The following FAT3 variants were observed in gnomAD, a reference collection of about 807,000 sequenced individuals.
The protein encoded by FAT3 is FAT atypical cadherin 3.
A neutral mutation model predicts 310.2 loss-of-function variants in FAT3; 95 were observed. That is an observed-to-expected ratio of 0.31 (90% CI 0.26 to 0.36). The LOEUF (loss-of-function observed/expected upper bound fraction) is 0.36, where lower values mean the gene tolerates loss of function less well. Among genes scored for constraint, FAT3 ranks in the 10% least tolerant of loss-of-function variants. The pLI, the probability that FAT3 is intolerant of heterozygous loss-of-function variation, is 1.00. For synonymous variants in FAT3, 2,314 were observed against 2,192.9 expected, an observed-to-expected ratio of 1.06 and a Z score of -1.54; for missense variants, 5,408 against 5,715.6, an observed-to-expected ratio of 0.95 and a Z score of 1.74.
chr11:92,323,722 T>G (rs925435328), intron 1 of FAT3, among the ~76,000 whole-genome samples: 1 of 152,064 alleles, frequency 6.6e-6, no homozygotes, highest in Non-Finnish European at 1.5e-5. Flanking sequence ...TTAGCATAAT[T>G]CTTAAGGGCC....
chr11:92,818,955 A>G (rs1435851028), intron 13 of FAT3, among the ~76,000 whole-genome samples: 3 of 152,242 alleles, frequency 2.0e-5, no homozygotes, highest in East Asian at 3.9e-4. Flanking sequence ...ATTTTAAATG[A>G]TAATCATAAT....
intron 1 of FAT3, among the ~76,000 whole-genome samples, chr11:92,259,350 G>A (rs1421784623): frequency 1.3e-5 from 2 of 151,994 alleles, no homozygotes; most frequent in Admixed American, 1.3e-4. Flanking sequence ...AATGACTGAA[G>A]GGTATGTTAA....
At chr11:92,567,797 A>G (rs1250003047) in intron 3 of FAT3, among the ~76,000 whole-genome samples, 1 of 151,812 alleles carries the variant, frequency 6.6e-6, no homozygotes, top group Non-Finnish European at 1.5e-5. Context: ...CAAAAAACCA[A>G]GCACCGCATA....
chr11:92,480,515 G>C (rs548865690), intron 2 of FAT3, among the ~76,000 whole-genome samples: 2 of 152,144 alleles, frequency 1.3e-5, no homozygotes, highest in Non-Finnish European at 2.9e-5. Flanking sequence ...AGGGTGAAAG[G>C]CAAGAGGAAC....
intron 3 of FAT3, among the ~76,000 whole-genome samples, chr11:92,695,542 A>G (rs1591617670): frequency 6.6e-6 from 1 of 151,588 alleles, no homozygotes; most frequent in African/African-American, 2.4e-5. Context: ...CCACAAATAC[A>G]CCCTCCACAC....
At chr11:92,715,163 T>C (rs1030364965) in intron 4 of FAT3, among the ~76,000 whole-genome samples, 4 of 151,722 alleles carry the variant, frequency 2.6e-5, no homozygotes, top group Non-Finnish European at 5.9e-5. Flanking sequence ...CCCAGCACTT[T>C]GGGAGGCCGA....
At chr11:92,517,357 C>T (rs1388897678) in intron 2 of FAT3, among the ~76,000 whole-genome samples, 1 of 152,016 alleles carries the variant, frequency 6.6e-6, no homozygotes, top group Non-Finnish European at 1.5e-5. Flanking sequence ...TTTGATAAAC[C>T]AGACAAAAAC....
intron 3 of FAT3, among the ~76,000 whole-genome samples, chr11:92,680,333 T>C (rs1434350803): frequency 6.6e-6 from 1 of 152,196 alleles, no homozygotes; most frequent in Non-Finnish European, 1.5e-5. Flanking sequence ...GGCAATCCAA[T>C]TTTCCCAACA....
At chr11:92,532,103 A>G (rs1276652467) in intron 3 of FAT3, among the ~76,000 whole-genome samples, 1 of 152,126 alleles carries the variant, frequency 6.6e-6, no homozygotes, top group African/African-American at 2.4e-5. Flanking sequence ...CTGACAATTG[A>G]GATGTGATGG....
intron 3 of FAT3, among the ~76,000 whole-genome samples, chr11:92,565,178 G>A (rs1364940370): frequency 6.8e-6 from 1 of 146,912 alleles, no homozygotes; most frequent in Non-Finnish European, 1.5e-5. Context: ...GAATCAAATA[G>A]ACACAATAAA....
chr11:92,318,894 T>C (rs953976000), intron 1 of FAT3, among the ~76,000 whole-genome samples: 1 of 152,204 alleles, frequency 6.6e-6, no homozygotes. Flanking sequence ...TGCAACTGCA[T>C]GTGCTGAGTG....
intron 2 of FAT3, among the ~76,000 whole-genome samples, chr11:92,392,912 A>G (rs192982760): frequency 2.5e-4 from 38 of 152,280 alleles, no homozygotes; most frequent in African/African-American, 8.4e-4. Context: ...GAGTCTGAGC[A>G]ATTAGTGACA....
At position 92,801,236 on chromosome 11, in the gene FAT3, C is replaced by T; in HGVS notation, c.8223C>T (p.Ser2741=). The change falls in exon 10 of 28, where the codon AGC becomes AGT. Residue 2741 remains serine (S), a synonymous_variant. Coordinates refer to ENST00000525166, the MANE Select transcript of FAT3 (RefSeq NM_001367949.2). The part of the protein sequence containing the change: ...RILPSQNVWF[S]TVNGERPENN... ...TGCCCAGTCAGAATGTCTGGTTCAG[C>T]ACAGTTAATGGGGAACGGCCAGAAA... is the stretch of plus-strand genomic sequence containing the variant. The T allele has an allele frequency of 1.2e-6, 2 of 1,613,828 alleles. No homozygotes were observed. The highest frequency in any genetic ancestry group is 1.3e-5 in the African/African-American group (1 of 75,018).
intron 2 of FAT3, among the ~76,000 whole-genome samples, chr11:92,509,941 C>T (rs1953238419): frequency 6.6e-6 from 1 of 151,974 alleles, no homozygotes; most frequent in Admixed American, 6.6e-5. Context: ...CAGAGATTTG[C>T]CTAGTAATTA....
chr11:92,453,974 A>C (rs746879355), intron 2 of FAT3, among the ~76,000 whole-genome samples: 2 of 152,200 alleles, frequency 1.3e-5, no homozygotes, highest in Admixed American at 6.5e-5. Flanking sequence ...TTTTCAGGTT[A>C]CAGCCACATA....
intron 13 of FAT3, among the ~76,000 whole-genome samples, chr11:92,826,554 T>C (rs1948111074): frequency 6.6e-6 from 1 of 152,196 alleles, no homozygotes; most frequent in Non-Finnish European, 1.5e-5. Context: ...TTTGTCAGAA[T>C]GTATGAGGTA....
chr11:92,382,481 C>T (rs968482519), intron 2 of FAT3, among the ~76,000 whole-genome samples: 2 of 152,136 alleles, frequency 1.3e-5, no homozygotes, highest in South Asian at 4.1e-4. Context: ...AAAACCTTTC[C>T]TTTCCTGACG....
chr11:92,697,440 C>T lies in FAT3; in HGVS notation c.3664C>T (p.Leu1222=). 1.9e-6 allele frequency: 3 copies of T among 1,613,836 alleles called. No homozygotes were observed. Among genetic ancestry groups the T allele is most frequent in the Non-Finnish European group, 1.7e-6 (2 of 1,179,802 alleles). Residue 1222 remains leucine (L), a synonymous_variant, in exon 4 of 28, where the codon CTG becomes TTG. Transcript: ENST00000525166. ...LDREQQAEHF[L]EVTVTDGGPS... ...TCGAGAACAGCAGGCAGAACATTTTCTGGAGGTAAGCGCATAGAGGGAACT... is the reference window on the plus strand; with the variant it reads ...TCGAGAACAGCAGGCAGAACATTTTTTGGAGGTAAGCGCATAGAGGGAACT...
At chr11:92,233,786 T>C (rs970851222) in intron 1 of FAT3, among the ~76,000 whole-genome samples, 2 of 152,256 alleles carry the variant, frequency 1.3e-5, no homozygotes, top group Non-Finnish European at 2.9e-5. Context: ...CTAGATCTTG[T>C]TGAATTATAC....
Sources: allele counts gnomAD v4.1 joint callset (sites outside exome capture counted in the v4.1 genomes callset), GRCh38; gene constraint gnomAD v4.1.1; transcripts MANE v1.5; gene names NCBI Gene and HGNC (gene_info 2026-07-23, HGNC 2026-07-21).